The following ELF1 variants were observed in gnomAD, a reference collection of about 807,000 sequenced individuals.
The protein encoded by ELF1 is ETS-related transcription factor Elf-1.
Under a neutral mutation model 59.9 loss-of-function variants are expected in ELF1, and 24 were observed. The ratio of observed to expected loss-of-function variants is 0.40; its 90% CI spans 0.29 to 0.56. The LOEUF (loss-of-function observed/expected upper bound fraction) is 0.56, where lower values mean the gene tolerates loss of function less well. Among genes scored for constraint, ELF1 ranks in the 20% least tolerant of loss-of-function variants. The probability of loss-of-function intolerance (pLI) is 0.44; values close to 1 mark genes in which losing one functional copy is unlikely to be tolerated. For synonymous variants in ELF1, 248 were observed against 266.2 expected, an observed-to-expected ratio of 0.93 and a Z score of 0.67; for missense variants, 627 against 742.2, an observed-to-expected ratio of 0.84 and a Z score of 1.80.
chr13:40,932,222 T>C lies in ELF1; in HGVS notation c.*1203A>G, dbSNP rs909424298. 6.0e-5 allele frequency: 9 copies of C among 149,756 alleles called. No homozygotes were observed. Among genetic ancestry groups the C allele is most frequent in the African/African-American group, 2.3e-4 (9 of 39,182 alleles). 9.3% of individuals were successfully genotyped at this position (149,756 alleles called of 1,614,324 possible). A position where few individuals can be genotyped will look rare whatever the true frequency, so the allele number is the denominator to read the frequency against. On this transcript the variant is annotated 3_prime_UTR_variant, in exon 9 of 9. Coordinates refer to ENST00000239882, the MANE Select transcript of ELF1 (RefSeq NM_172373.4). ...TATACTAGAAAATTTGCAGAAGACATTTTTTTCTTGTGACATTAAATGTAC... is the reference window on the plus strand; with the variant it reads ...TATACTAGAAAATTTGCAGAAGACACTTTTTTCTTGTGACATTAAATGTAC...
intron 1 of ELF1, among the ~76,000 whole-genome samples, chr13:41,044,245 G>A (rs903578695): frequency 6.6e-6 from 1 of 152,192 alleles, no homozygotes; most frequent in Non-Finnish European, 1.5e-5. Context: ...TCTGCAAAGA[G>A]GGCCAATTTG....
chr13:40,935,798 G>T (rs770350904), intron 8 of ELF1, among the ~76,000 whole-genome samples: 7 of 151,344 alleles, frequency 4.6e-5, no homozygotes, highest in African/African-American at 1.7e-4. Context: ...TCAGCCTCCC[G>T]AGTAGCTGGG....
At position 40,941,127 on chromosome 13, in the gene ELF1, A is replaced by G; in HGVS notation, c.1050T>C (p.Ser350=). Residue 350 remains serine, a synonymous_variant, in exon 8 of 9, where the codon TCT becomes TCC. Coordinates refer to ENST00000239882, the MANE Select transcript of ELF1 (RefSeq NM_172373.4). ...GATTVLKPGN[S]KAAKPKDPVE... ...CAGGATCTTTGGGTTTTGCAGCTTT[A>G]GAATTCCCTGGTTTTAGAACTGTAG... 3 of 1,614,194 alleles carry G rather than the reference A, an allele frequency of 1.9e-6. No individual in the cohort carries two copies. The highest frequency in any genetic ancestry group is 1.7e-6 in the Non-Finnish European group (2 of 1,180,044).
chr13:40,962,164 T>G (rs2138205716), intron 2 of ELF1, among the ~76,000 whole-genome samples: 1 of 152,324 alleles, frequency 6.6e-6, no homozygotes, highest in Middle Eastern at 3.4e-3. Context: ...AGGCAATCAC[T>G]GCTACCAATT....
chr13:40,960,550 G>T (rs1257185543), intron 2 of ELF1, among the ~76,000 whole-genome samples: 1 of 152,162 alleles, frequency 6.6e-6, no homozygotes, highest in East Asian at 1.9e-4. Flanking sequence ...ATGTCAGGGG[G>T]TCCAAAATAC....
intron 1 of ELF1, among the ~76,000 whole-genome samples, chr13:40,984,464 A>T (rs1056365540): frequency 2.6e-5 from 4 of 152,268 alleles, no homozygotes; most frequent in African/African-American, 4.8e-5. Flanking sequence ...GCTACTCAGG[A>T]GGCTGAGGCA....
intron 1 of ELF1, among the ~76,000 whole-genome samples, chr13:40,991,361 G>C (rs1397440915): frequency 1.3e-5 from 2 of 152,242 alleles, no homozygotes; most frequent in African/African-American, 2.4e-5. Flanking sequence ...TCTATTTACA[G>C]TTTTTCTGTA....
Position 40,956,571 on chromosome 13 carries a change from CAAAAAAAAAAAAA to C in ELF1, c.253+2252_253+2264del, listed in dbSNP as rs34245662. Among the ~76,000 whole-genome samples, 180 of 76,152 alleles carry C rather than the reference CAAAAAAAAAAAAA, an allele frequency of 2.4e-3. 3 individuals are homozygous for C. The highest frequency in any genetic ancestry group is 6.8e-3 in the Middle Eastern group (1 of 148). 50.0% of individuals were successfully genotyped at this position (76,152 alleles called of 152,430 possible). On this transcript the variant is annotated intron_variant, in intron 3 of 8. Transcript: ENST00000239882. ...TCTGCGAGAAACACCCAAGAATGATCAAAAAAAAAAAAAAAAAAAAAAAGAAAGTTGGAAAGGC... is the reference window on the plus strand; with the variant it reads ...TCTGCGAGAAACACCCAAGAATGATCAAAAAAAAAAGAAAGTTGGAAAGGC...
intron 1 of ELF1, among the ~76,000 whole-genome samples, chr13:41,059,205 C>T (rs930123287): frequency 1.3e-5 from 2 of 152,138 alleles, no homozygotes; most frequent in Admixed American, 6.5e-5. Flanking sequence ...GTGAGTGATA[C>T]GTGTTATCAA....
intron 1 of ELF1, among the ~76,000 whole-genome samples, chr13:41,010,293 A>C (rs906229620): frequency 1.3e-5 from 2 of 148,564 alleles, no homozygotes; most frequent in East Asian, 2.0e-4. Context: ...AAAAAAAAAA[A>C]CACAGAAAAG....
Position 40,997,714 on chromosome 13 carries a change from C to T in ELF1, c.-228-15432G>A, listed in dbSNP as rs117401167. Among the ~76,000 whole-genome samples the T allele has an allele frequency of 7.9e-5, 12 of 151,848 alleles. No individual in the cohort carries two copies. In the East Asian group the frequency reaches 2.0e-3, roughly 25 times the overall value. ...ATATCCTCTTTTCTTCTTTAAATTA[C>T]ATAAAACGATTCTAAGTCAGCTTGG... On this transcript the variant is annotated intron_variant, in intron 1 of 8. Transcript: ENST00000239882.
rs1369476190 is a variant in ELF1 at position 41,038,041 on chromosome 13, CTA to C, written c.-229+22795_-229+22796del. ...CTGCTAAAGTTCACCCAAAGAAAGA[CTA>C]TGTTAGCAAAGTGAAGAAACCTTAA... On this transcript the variant is annotated intron_variant, in intron 1 of 1. Transcript: ENST00000405737. 3.8e-5 allele frequency among the ~76,000 whole-genome samples: 5 copies of C among 129,956 alleles called. No individual in the cohort carries two copies. In the Admixed American group the frequency reaches 4.1e-4, roughly 11 times the overall value. 85.3% of individuals were successfully genotyped at this position (129,956 alleles called of 152,430 possible).
intron 3 of ELF1, among the ~76,000 whole-genome samples, chr13:40,954,816 T>A (rs1465975455): frequency 2.7e-5 from 4 of 148,326 alleles, no homozygotes; most frequent in African/African-American, 9.9e-5. Flanking sequence ...ACTTCCCAGC[T>A]GCCTGCCTTG....
chr13:41,005,861 T>C (rs77950457), intron 1 of ELF1, among the ~76,000 whole-genome samples: 1,800 of 147,560 alleles, frequency 0.012, 44 homozygotes, highest in African/African-American at 0.041. Context: ...ACTCATATGA[T>C]TCATATTCTG....
chr13:40,987,406 C>T (rs1489642172), intron 1 of ELF1, among the ~76,000 whole-genome samples: 1 of 149,026 alleles, frequency 6.7e-6, no homozygotes, highest in Non-Finnish European at 1.5e-5. Context: ...CATGGTGAAA[C>T]CCCGTCCCTA....
At chr13:40,951,894 T>TA (rs1232640565) in intron 3 of ELF1, among the ~76,000 whole-genome samples, 2 of 152,018 alleles carry the variant, frequency 1.3e-5, no homozygotes, top group Non-Finnish European at 2.9e-5. Context: ...ACTATTACAT[T>TA]AAAAAATCAA....
chr13:41,047,329 A>T (rs1367159155), intron 1 of ELF1, among the ~76,000 whole-genome samples: 7 of 152,220 alleles, frequency 4.6e-5, no homozygotes, highest in Non-Finnish European at 8.8e-5. Context: ...GAGGAGCTGC[A>T]TTCCTTTGGA....
At chr13:40,982,507 T>C (rs1237191862) in intron 1 of ELF1, among the ~76,000 whole-genome samples, 8 of 145,546 alleles carry the variant, frequency 5.5e-5, no homozygotes, top group South Asian at 2.2e-4. Flanking sequence ...TATGCCTCTC[T>C]CCCCCACTCT....
chr13:40,990,636 C>T (rs1462981921), intron 1 of ELF1, among the ~76,000 whole-genome samples: 2 of 151,898 alleles, frequency 1.3e-5, no homozygotes, highest in Non-Finnish European at 2.9e-5. Flanking sequence ...AGGTGGAATG[C>T]CTGAGCTCAG....
Sources: gnomAD v4.1 joint callset for allele counts (sites outside exome capture counted in the v4.1 genomes callset) on GRCh38, gnomAD v4.1.1 for gene constraint, MANE v1.5 for transcripts, NCBI Gene and HGNC (gene_info 2026-07-23, HGNC 2026-07-21) for gene names.